The following SYCP1 variants were observed in gnomAD, a reference collection of about 807,000 sequenced individuals.
SYCP1 encodes the protein cancer/testis antigen 8.
In SYCP1, 64 loss-of-function variants were observed where a neutral mutation model predicts 153.1. The ratio of observed to expected loss-of-function variants is 0.42; its 90% CI spans 0.34 to 0.51. The LOEUF (loss-of-function observed/expected upper bound fraction) is 0.51, where lower values mean the gene tolerates loss of function less well. Among genes scored for constraint, SYCP1 ranks in the 20% least tolerant of loss-of-function variants. SYCP1 has a pLI of 0.06. For missense variants in SYCP1, 997 were observed against 1,049.0 expected (o/e 0.95, Z 0.68); for synonymous variants, 384 against 341.8 (o/e 1.12, Z -1.36).
intron 21 of SYCP1, among the ~76,000 whole-genome samples, chr1:114,924,125 G>A (rs1362947214): frequency 6.6e-6 from 1 of 152,180 alleles, no homozygotes; most frequent in East Asian, 1.9e-4. Flanking sequence ...GTAGAGAGTA[G>A]TGATCTAATT....
chr1:114,944,239 G>A (rs1670550271), intron 23 of SYCP1, 100 bp from the exon 24 acceptor site: 3 of 681,018 alleles, frequency 4.4e-6, no homozygotes, highest in Admixed American at 2.8e-5. Context: ...CCATGAATAA[G>A]TAATCTTCTA....
At chr1:114,960,522 C>T (rs1462284867) in intron 27 of SYCP1, among the ~76,000 whole-genome samples, 2 of 152,160 alleles carry the variant, frequency 1.3e-5, no homozygotes, top group African/African-American at 2.4e-5. Flanking sequence ...TACATTCCCA[C>T]CAGCAGTGTA....
chr1:114,861,799 CTT>C (rs1334859101), intron 8 of SYCP1, among the ~76,000 whole-genome samples: 9 of 129,860 alleles, frequency 6.9e-5, no homozygotes, highest in Non-Finnish European at 5.0e-5. Context: ...TTTTTTTATT[CTT>C]TTTTTTTTTT....
rs1404124413 is a variant in SYCP1, at chr1:114,977,555, A to C, written c.2323-2A>C. 6.9e-7 allele frequency: 1 copy of C among 1,447,430 alleles called. No individual in the cohort carries two copies. Among genetic ancestry groups the C allele is most frequent in the Non-Finnish European group, 9.3e-7 (1 of 1,080,068 alleles). 89.7% of individuals were successfully genotyped at this position (1,447,430 alleles called of 1,614,324 possible). Reference sequence around the variant, plus strand: ...CTTGTACTTGATATTTATTTTTAATAGGAAAAACTCAAAAGAGAGGCAAAA... The same window carrying C: ...CTTGTACTTGATATTTATTTTTAATCGGAAAAACTCAAAAGAGAGGCAAAA... On this transcript the variant is annotated splice_acceptor_variant, in intron 27 of 31. Transcript: ENST00000369522. LOFTEE classifies it high-confidence loss of function.
At chr1:114,883,070 CCTTA>C (rs1235417533) in intron 12 of SYCP1, among the ~76,000 whole-genome samples, 4 of 152,142 alleles carry the variant, frequency 2.6e-5, no homozygotes, top group Non-Finnish European at 5.9e-5. Flanking sequence ...TTTGTGGTTA[CCTTA>C]CTTCTATAGG....
At chr1:114,971,388 A>G (rs1557842964) in intron 27 of SYCP1, among the ~76,000 whole-genome samples, 1 of 151,844 alleles carries the variant, frequency 6.6e-6, no homozygotes, top group African/African-American at 2.4e-5. Context: ...AAGTAGGGGG[A>G]AAGTTGGCAT....
chr1:114,881,276 T>C (rs1665909418), intron 12 of SYCP1, among the ~76,000 whole-genome samples: 1 of 152,204 alleles, frequency 6.6e-6, no homozygotes, highest in Middle Eastern at 3.2e-3. Flanking sequence ...TTTTTTTTGG[T>C]ATCTTAAACT....
At chr1:114,973,319 T>C (rs1570895907) in intron 27 of SYCP1, among the ~76,000 whole-genome samples, 1 of 152,020 alleles carries the variant, frequency 6.6e-6, no homozygotes, top group South Asian at 2.1e-4. Context: ...TTCTTTATGG[T>C]TGTGGTTGTG....
chr1:114,975,579 A>G (rs1349648259), intron 27 of SYCP1, among the ~76,000 whole-genome samples: 2 of 151,708 alleles, frequency 1.3e-5, no homozygotes, highest in Non-Finnish European at 3.0e-5. Context: ...CTTTATATTT[A>G]CATAGATTCA....
chr1:114,881,501 A>ATTCTTCCTTCCTTCCTTCCT (rs1665925403), intron 12 of SYCP1, among the ~76,000 whole-genome samples: 1 of 102,624 alleles, frequency 9.7e-6, no homozygotes. Context: ...GGAAGGTATT[A>ATTCTTCCTTCCTTCCTTCCT]TCCTTCCTTC....
rs772190438 is a variant in SYCP1 at position 114,860,714 on chromosome 1, C to A, written c.525-22C>A. On this transcript the variant is annotated intron_variant, in intron 7 of 31. Transcript: ENST00000369522. ...GCTTTGAGATCAGATTACACACAGG[C>A]AAACTCTTTCCTTTGTTTCAGGAAT... is the stretch of plus-strand genomic sequence containing the variant. The A allele has an allele frequency of 1.9e-6, 3 of 1,563,942 alleles. No homozygotes were observed. The South Asian group carries it at 3.6e-5, about 19-fold the overall frequency.
rs767295963 is a variant in SYCP1, at chr1:114,947,228, A to G, written c.2248-18A>G. 1.9e-6 allele frequency: 3 copies of G among 1,587,678 alleles called. No homozygotes were observed. Among genetic ancestry groups the G allele is most frequent in the African/African-American group, 2.7e-5 (2 of 73,864 alleles). Reference sequence around the variant, plus strand: ...ATACATGGAAGCTCTTCTAAACTTCATGTTTCTTTTTCTTTAGGAGATTGA... The same window carrying G: ...ATACATGGAAGCTCTTCTAAACTTCGTGTTTCTTTTTCTTTAGGAGATTGA... On this transcript the variant is annotated intron_variant, in intron 26 of 31. Coordinates refer to ENST00000369522, the MANE Select transcript of SYCP1 (RefSeq NM_003176.4).
At position 114,923,494 on chromosome 1, in the gene SYCP1, T is replaced by G. The variant is rs945359036; in HGVS notation, c.1764T>G (p.Asp588Glu). The G allele has an allele frequency of 3.1e-6, 5 of 1,591,774 alleles. No individual in the cohort carries two copies. In the African/African-American group the frequency reaches 6.7e-5, roughly 21 times the overall value. Residue 588 changes from aspartate (D) to glutamate (E), a missense_variant, in exon 21 of 32, where the codon GAT becomes GAG. By Grantham distance (45) the Asp-to-Glu change is conservative (BLOSUM62 2). Around this residue, in one of 2 missense-constraint regions of SYCP1, gnomAD observed 712 missense variants for 682.9 expected, o/e 1.04. Coordinates refer to ENST00000369522, the MANE Select transcript of SYCP1 (RefSeq NM_003176.4). ...GAGAAGAGCTAAAACAGAAAAGAGA[T>G]GAAGTTAAATGTAAATTGGACAAGA... is the stretch of plus-strand genomic sequence containing the variant. ...YVREELKQKR[D>E]EVKCKLDKSE...
At chr1:114,952,568 G>T (rs1467721699) in intron 27 of SYCP1, among the ~76,000 whole-genome samples, 1 of 152,100 alleles carries the variant, frequency 6.6e-6, no homozygotes, top group Non-Finnish European at 1.5e-5. Flanking sequence ...CCTTCACATG[G>T]CAGCAGGAAG....
intron 8 of SYCP1, among the ~76,000 whole-genome samples, chr1:114,874,169 C>G (rs1198503631): frequency 6.6e-6 from 1 of 152,164 alleles, no homozygotes; most frequent in Non-Finnish European, 1.5e-5. Flanking sequence ...AGTTGTAATT[C>G]TCTCTGTGTT....
At chr1:114,887,121 A>G (rs1207681814) in intron 14 of SYCP1, among the ~76,000 whole-genome samples, 2 of 152,006 alleles carry the variant, frequency 1.3e-5, no homozygotes, top group African/African-American at 4.8e-5. Context: ...CCCCTAATTT[A>G]TATATTTTTG....
intron 20 of SYCP1, among the ~76,000 whole-genome samples, chr1:114,919,844 T>C (rs747790473): frequency 1.4e-4 from 21 of 152,064 alleles, no homozygotes; most frequent in Non-Finnish European, 2.4e-4. Flanking sequence ...TTGGTTATAA[T>C]GTCTCCCTTT....
chr1:114,893,965 GT>G (rs752984908), intron 15 of SYCP1, among the ~76,000 whole-genome samples: 75 of 139,446 alleles, frequency 5.4e-4, no homozygotes, highest in South Asian at 9.2e-4. Context: ...AGTGTGAGTT[GT>G]TTTTTTTTTT....
intron 23 of SYCP1, among the ~76,000 whole-genome samples, chr1:114,936,096 C>CAA (rs1266369151): frequency 6.6e-6 from 1 of 151,928 alleles, no homozygotes; most frequent in South Asian, 2.1e-4. Context: ...CGAGACACAA[C>CAA]AAAAAAAGAG....
Sources: allele counts gnomAD v4.1 joint callset (sites outside exome capture counted in the v4.1 genomes callset), GRCh38; gene constraint gnomAD v4.1.1; regional missense constraint gnomAD v4.1.1; transcripts MANE v1.5; gene names NCBI Gene and HGNC (gene_info 2026-07-23, HGNC 2026-07-21).